Variants in CRTC1 observed in about 807,000 individuals in gnomAD.
The protein encoded by CRTC1 is CREB-regulated transcription coactivator 1.
Under a neutral mutation model 66.1 loss-of-function variants are expected in CRTC1, and 18 were observed. The ratio of observed to expected loss-of-function variants is 0.27; its 90% confidence interval spans 0.19 to 0.40. The LOEUF (loss-of-function observed/expected upper bound fraction) is 0.40. CRTC1 is among the 10% of genes least tolerant of loss of function. The probability of loss-of-function intolerance (pLI) is 1.00; values close to 1 mark genes in which losing one functional copy is unlikely to be tolerated. For missense variants in CRTC1, 669 were observed against 887.9 expected, an observed-to-expected ratio of 0.75 and a Z score of 3.13; for synonymous variants, 416 against 398.8, an observed-to-expected ratio of 1.04 and a Z score of -0.51.
intron 13 of CRTC1, 142 bp downstream of exon 13, chr19:18,775,963 A>G: frequency 2.3e-6 from 2 of 864,512 alleles, no homozygotes; most frequent in South Asian, 3.7e-5. Context: ...TGAGGAGGCC[A>G]CACCCCCTCT....
intron 6 of CRTC1, among the ~76,000 whole-genome samples, chr19:18,754,639 A>G (rs2054444942): frequency 6.6e-6 from 1 of 152,272 alleles, no homozygotes; most frequent in Non-Finnish European, 1.5e-5. Flanking sequence ...AATAAACTAG[A>G]AACAGCCTGC....
chr19:18,689,407 ATTTC>A (rs1245137894), intron 1 of CRTC1, among the ~76,000 whole-genome samples: 3 of 137,266 alleles, frequency 2.2e-5, no homozygotes, highest in East Asian at 2.1e-4. Flanking sequence ...TCAGTGCTTC[ATTTC>A]TTTCTTTCTT....
intron 5 of CRTC1, among the ~76,000 whole-genome samples, chr19:18,751,134 C>G (rs541912284): frequency 6.6e-6 from 1 of 152,234 alleles, no homozygotes; most frequent in Non-Finnish European, 1.5e-5. Flanking sequence ...CGCAGCCTGG[C>G]TTTCAACAAG....
At chr19:18,725,185 C>T (rs986569083) in intron 1 of CRTC1, among the ~76,000 whole-genome samples, 1 of 152,150 alleles carries the variant, frequency 6.6e-6, no homozygotes, top group Admixed American at 6.5e-5. Context: ...CCCTAGTGCC[C>T]CTGCCTGGCC....
chr19:18,700,754 G>A (rs1360651283), intron 1 of CRTC1, among the ~76,000 whole-genome samples: 1 of 152,186 alleles, frequency 6.6e-6, no homozygotes, highest in African/African-American at 2.4e-5. Flanking sequence ...TGGGGACACG[G>A]GGAGGCCGAG....
chr19:18,716,965 G>A (rs60660317), intron 1 of CRTC1, among the ~76,000 whole-genome samples: 2,073 of 146,246 alleles, frequency 0.014, 59 homozygotes, highest in African/African-American at 0.048. Context: ...GGGAGCTGGC[G>A]TGCAGGCAGG....
chr19:18,694,135 GAA>G (rs56040700), intron 1 of CRTC1, among the ~76,000 whole-genome samples: 2 of 125,298 alleles, frequency 1.6e-5, no homozygotes, highest in African/African-American at 3.0e-5. Context: ...CTCCGTCTCA[GAA>G]AAAAAAAAAA....
At chr19:18,770,040 CAAGCCCTACCCCAAACTGCCCAG>C (rs1194982028) in intron 10 of CRTC1, among the ~76,000 whole-genome samples, 1 of 142,984 alleles carries the variant, frequency 7.0e-6, no homozygotes, top group Non-Finnish European at 1.5e-5. Context: ...CACCTGGACT[CAAGCCCTACCCCAAACTGCCCAG>C]AAGGCGCCAC....
chr19:18,719,059 C>T (rs943202886), intron 1 of CRTC1, among the ~76,000 whole-genome samples: 1 of 152,044 alleles, frequency 6.6e-6, no homozygotes, highest in African/African-American at 2.4e-5. Flanking sequence ...CGGGCTAGTA[C>T]CAGGGAGGGG....
At chr19:18,717,361 A>G (rs1484593059) in intron 1 of CRTC1, among the ~76,000 whole-genome samples, 1 of 152,018 alleles carries the variant, frequency 6.6e-6, no homozygotes, top group Non-Finnish European at 1.5e-5. Flanking sequence ...TGGTGCAGTA[A>G]TGACCACTGG....
chr19:18,689,948 G>A (rs2052789826), intron 1 of CRTC1, among the ~76,000 whole-genome samples: 1 of 151,906 alleles, frequency 6.6e-6, no homozygotes, highest in South Asian at 2.1e-4. Context: ...GAGTGGGATG[G>A]GTGTGGTGTG....
chr19:18,773,890 A>G (rs1429323767), intron 11 of CRTC1, among the ~76,000 whole-genome samples: 2 of 152,146 alleles, frequency 1.3e-5, no homozygotes, highest in African/African-American at 4.8e-5. Flanking sequence ...CCAGAGACTC[A>G]GGCGTTGGGA....
chr19:18,772,269 C>T (rs992764210), intron 11 of CRTC1, among the ~76,000 whole-genome samples: 11 of 152,220 alleles, frequency 7.2e-5, no homozygotes, highest in Non-Finnish European at 1.2e-4. Context: ...CAGCCTCCTC[C>T]TGTTGTACTT....
At chr19:18,715,372 T>C (rs974526593) in intron 1 of CRTC1, among the ~76,000 whole-genome samples, 6 of 152,160 alleles carry the variant, frequency 3.9e-5, no homozygotes, top group Non-Finnish European at 7.4e-5. Context: ...GGATTACAGG[T>C]GCACGACACC....
chr19:18,707,955 ACT>A (rs1380907333), intron 1 of CRTC1, among the ~76,000 whole-genome samples: 1 of 152,210 alleles, frequency 6.6e-6, no homozygotes, highest in Non-Finnish European at 1.5e-5. Flanking sequence ...AAGGGGGCTA[ACT>A]CTGTCAATGC....
At chr19:18,687,781 CAG>C (rs1299040107) in intron 1 of CRTC1, among the ~76,000 whole-genome samples, 4 of 152,052 alleles carry the variant, frequency 2.6e-5, no homozygotes, top group African/African-American at 9.7e-5. Flanking sequence ...GGCTAGAAGA[CAG>C]GGACCTCACC....
rs967147080 is a variant in CRTC1 at position 18,780,218 on chromosome 19, G to T, written c.*2836G>T. The T allele has an allele frequency of 3.5e-5, 8 of 231,682 alleles. No homozygotes were observed. Among genetic ancestry groups the T allele is most frequent in the African/African-American group, 1.3e-4 (6 of 45,218 alleles). 14.4% of individuals were successfully genotyped at this position (231,682 alleles called of 1,614,324 possible). ...ATGCTTGGTCTACACTGGGTTAGAG[G>T]CTGCTCTCCCCACGCACCCATGTGC... On this transcript the variant is annotated 3_prime_UTR_variant, in exon 14 of 14. Coordinates refer to ENST00000321949, the MANE Select transcript of CRTC1 (RefSeq NM_015321.3).
chr19:18,766,516 G>A (rs943940089), intron 9 of CRTC1, among the ~76,000 whole-genome samples: 1 of 151,918 alleles, frequency 6.6e-6, no homozygotes, highest in Non-Finnish European at 1.5e-5. Flanking sequence ...GCGTGATCTT[G>A]GTTCATTGCA....
intron 2 of CRTC1, chr19:18,744,274 G>T: frequency 1.1e-6 from 1 of 897,038 alleles, no homozygotes; most frequent in Non-Finnish European, 1.7e-6. Flanking sequence ...GCGGCTCCCA[G>T]GGAGGTGGAG....
Sources: allele counts gnomAD v4.1 joint callset (sites outside exome capture counted in the v4.1 genomes callset), GRCh38; gene constraint gnomAD v4.1.1; transcripts MANE v1.5; gene names NCBI Gene and HGNC (gene_info 2026-07-23, HGNC 2026-07-21).